ITIH6: variants seen among roughly 807,000 people sequenced by gnomAD.
The protein encoded by ITIH6 is inter-alpha-trypsin inhibitor heavy chain H6.
A neutral mutation model predicts 58.2 loss-of-function variants in ITIH6; 60 were observed. That is an observed-to-expected ratio of 1.03 (90% confidence interval 0.84 to 1.28). ITIH6 has a LOEUF of 1.28. Among genes scored for constraint, ITIH6 ranks in the 50% most tolerant of loss-of-function variants. The pLI, the probability that ITIH6 is intolerant of heterozygous loss-of-function variation, is 0.00. For synonymous variants in ITIH6, 493 were observed against 417.4 expected (o/e 1.18, Z -2.21); for missense variants, 1,290 against 1,021.1 (o/e 1.26, Z -3.59).
chrX:54,757,317 G>C lies in ITIH6; in HGVS notation c.2757C>G (p.Thr919=), dbSNP rs767051613. The change falls in exon 8 of 13, where the codon ACC becomes ACG. Residue 919 remains threonine, a synonymous_variant. Coordinates refer to ENST00000218436, the MANE Select transcript of ITIH6 (RefSeq NM_198510.3). The part of the protein sequence containing the change: ...SSSTGPSSTT[T]TSVLGEPLPM... The stretch of plus-strand genomic sequence containing the variant: ...GGAGGGGTTCTCCAAGGACAGAGGT[G>C]GTTGTGGTACTGCTGGGACCTGTGG... The C allele has an allele frequency of 8.3e-7, 1 of 1,198,818 alleles. No homozygotes were observed. The highest frequency in any genetic ancestry group is 1.1e-6 in the Non-Finnish European group (1 of 888,566).
intron 6 of ITIH6, among the ~76,000 whole-genome samples, chrX:54,765,788 A>G (rs1172823103): frequency 2.4e-4 from 26 of 109,277 alleles, no homozygotes; most frequent in Non-Finnish European, 4.9e-4. Context: ...TGTTTTGGTT[A>G]CTGTAGCCTT....
At chrX:54,766,348 A>G (rs1352226505) in intron 6 of ITIH6, among the ~76,000 whole-genome samples, 22 of 84,145 alleles carry the variant, frequency 2.6e-4, no homozygotes, top group African/African-American at 9.1e-4. Flanking sequence ...GGACAATTTG[A>G]CTTCCTCTTT....
intron 12 of ITIH6, among the ~76,000 whole-genome samples, chrX:54,750,411 T>C (rs192200742): frequency 1.1e-3 from 117 of 110,078 alleles, no homozygotes; most frequent in African/African-American, 3.7e-3. Flanking sequence ...CCAGAGGAGG[T>C]AAAAATATCT....
rs969274235 is a variant in ITIH6, at chrX:54,753,917, G to A, written c.3238+13C>T. The A allele has an allele frequency of 5.0e-6, 6 of 1,207,081 alleles. No homozygotes were observed. The South Asian group carries it at 5.3e-5, about 11-fold the overall frequency. ...GTACTCAAACAGGGGAGCCATGGGG[G>A]TGACTGGCTTACCTGAGGAGGAGAA... On this transcript the variant is annotated intron_variant, in intron 10 of 12. Coordinates refer to ENST00000218436, the MANE Select transcript of ITIH6 (RefSeq NM_198510.3).
Position 54,749,619 on chromosome X carries a change from T to C in ITIH6, c.*276A>G. The C allele has an allele frequency of 6.7e-6, 2 of 296,495 alleles. No individual in the cohort carries two copies. The highest frequency in any genetic ancestry group is 1.3e-4 in the South Asian group (1 of 7,467). The allele number at this position is 296,495 out of a possible 1,213,427, so 24.4% of individuals were successfully genotyped here. On this transcript the variant is annotated 3_prime_UTR_variant, in exon 13 of 13. Coordinates refer to ENST00000218436, the MANE Select transcript of ITIH6 (RefSeq NM_198510.3). Reference sequence around the variant, plus strand: ...AGAACTACTGATCATTTTTTCGTTTTACAAAAGTGGCTTGTAGGGCTGGTG... The same window carrying C: ...AGAACTACTGATCATTTTTTCGTTTCACAAAAGTGGCTTGTAGGGCTGGTG...
intron 2 of ITIH6, 52 bp downstream of exon 2, chrX:54,796,890 G>A: frequency 1.0e-5 from 12 of 1,146,192 alleles, no homozygotes; most frequent in South Asian, 5.6e-5. Context: ...GCACAAGAAC[G>A]AACAAATATA....
In ITIH6 at chrX:54,751,204, C is replaced by T. The variant is rs756486091; in HGVS notation, c.3529G>A (p.Asp1177Asn). 114 of 1,210,253 alleles carry T rather than the reference C, an allele frequency of 9.4e-5. No homozygotes were observed. The highest frequency in any genetic ancestry group is 1.2e-4 in the Non-Finnish European group (106 of 895,177). Residue 1177 changes from aspartate (D) to asparagine (N), a missense_variant, in exon 12 of 13, where the codon GAC (aspartate) becomes AAC (asparagine). By Grantham distance (23) the Asp-to-Asn change is conservative. Transcript: ENST00000218436. ...RGEGTLRLSWDQPALLKRPQL... is the reference protein window; with the variant it reads ...RGEGTLRLSWNQPALLKRPQL... ...GGCCTCTTCAGCAGGGCAGGTTGGT[C>T]CCAGGACAGGCGCAAGGTACCCTCG...
chrX:54,785,568 T>G (rs1316438753), intron 5 of ITIH6, among the ~76,000 whole-genome samples: 2 of 111,479 alleles, frequency 1.8e-5, no homozygotes, highest in Admixed American at 1.9e-4. Flanking sequence ...CTCTTGGGAC[T>G]GCCTTCCCGG....
intron 6 of ITIH6, among the ~76,000 whole-genome samples, chrX:54,760,820 C>T (rs1470076957): frequency 9.0e-6 from 1 of 111,721 alleles, no homozygotes; most frequent in Non-Finnish European, 1.9e-5. Context: ...GCCACATTTT[C>T]TTAATCCAGT....
chrX:54,782,755 C>T (rs1759256815), intron 5 of ITIH6, among the ~76,000 whole-genome samples: 1 of 111,679 alleles, frequency 9.0e-6, no homozygotes, highest in South Asian at 3.8e-4. Flanking sequence ...CTGAATTCTA[C>T]CAAACAGTTA....
intron 11 of ITIH6, among the ~76,000 whole-genome samples, chrX:54,753,240 T>C (rs1429759299): frequency 8.8e-6 from 1 of 113,054 alleles, no homozygotes; most frequent in African/African-American, 3.2e-5. Flanking sequence ...AAATAATGTA[T>C]AAAATACTGC....
intron 5 of ITIH6, among the ~76,000 whole-genome samples, chrX:54,780,317 C>A (rs1335364080): frequency 1.3e-4 from 15 of 112,319 alleles, no homozygotes; most frequent in Admixed American, 1.0e-3. Context: ...TACCATCAAG[C>A]ATCTTCTCTG....
chrX:54,759,047 C>A, intron 7 of ITIH6, 49 bp from the exon 8 acceptor site: 1 of 942,841 alleles, frequency 1.1e-6, no homozygotes, highest in Non-Finnish European at 1.4e-6. Flanking sequence ...CACTTCTACC[C>A]CCATTGCAGA....
At chrX:54,769,466 A>G (rs1170254344) in intron 6 of ITIH6, among the ~76,000 whole-genome samples, 1 of 106,240 alleles carries the variant, frequency 9.4e-6, no homozygotes, top group South Asian at 4.3e-4. Flanking sequence ...TGCGTTTTAG[A>G]ATTTCCAGTT....
rs183747855 is a variant in ITIH6 at position 54,785,217 on chromosome X, C to T, written c.786+3263G>A. Among the ~76,000 whole-genome samples, 128 of 55,469 alleles carry T rather than the reference C, an allele frequency of 2.3e-3. 2 individuals carry two copies. The highest frequency in any genetic ancestry group is 8.0e-3 in the African/African-American group (111 of 13,798). 48.2% of individuals were successfully genotyped at this position (55,469 alleles called of 115,157 possible). A position where few individuals can be genotyped will look rare whatever the true frequency, so the allele number is the denominator to read the frequency against. ...CCAGAGGCTGCGGGGAGTGGGGTAG[C>T]GGGGAGATGGGGGGTGGGGAAGGCA... On this transcript the variant is annotated intron_variant, in intron 5 of 12. Coordinates refer to ENST00000218436, the MANE Select transcript of ITIH6 (RefSeq NM_198510.3).
chrX:54,791,852 A>G (rs1929353700), intron 3 of ITIH6, 74 bp downstream of exon 3: 1 of 580,746 alleles, frequency 1.7e-6, no homozygotes, highest in Non-Finnish European at 3.0e-6. Flanking sequence ...ACTGAGGACC[A>G]GAGAGAACGT....
Position 54,757,406 on chromosome X carries a change from G to A in ITIH6, c.2668C>T (p.Pro890Ser). Residue 890 changes from proline (P) to serine (S), a missense_variant, in exon 8 of 13, where the codon CCT becomes TCT. Coordinates refer to ENST00000218436, the MANE Select transcript of ITIH6 (RefSeq NM_198510.3). ...GGAAGTGGGGGCCTTGGTCTGTCAG[G>A]TCTAGGAGGTAGTGGGGTTTGAGGC... ...HMPQTPLPPR[P>S]DRPRPPLPES... 2 of 1,210,952 alleles carry A rather than the reference G, an allele frequency of 1.7e-6. No homozygotes were observed. Among genetic ancestry groups the A allele is most frequent in the Non-Finnish European group, 2.2e-6 (2 of 895,038 alleles).
chrX:54,769,350 T>G (rs1468642743), intron 6 of ITIH6, among the ~76,000 whole-genome samples: 1 of 88,128 alleles, frequency 1.1e-5, no homozygotes, highest in Non-Finnish European at 2.2e-5. Flanking sequence ...CAGAGTAATT[T>G]GATCGTCTGA....
At position 54,758,629 on chromosome X, in the gene ITIH6, A is replaced by G; in HGVS notation, c.1445T>C (p.Leu482Pro). ...AGGGGAGGCCCCAACCAAGCCACCC[A>G]GGTAGTTCAGACGCACATCTGCCAG... The part of the protein sequence containing the change: ...PLLADVRLNY[L>P]GGLVGASPWA... The change falls in exon 8 of 13, where the codon CTG (leucine) becomes CCG (proline). Residue 482 changes from leucine to proline, a missense_variant. Leu to Pro is a moderately conservative substitution (Grantham distance 98, BLOSUM62 -3). Coordinates refer to ENST00000218436, the MANE Select transcript of ITIH6 (RefSeq NM_198510.3). 8.3e-7 allele frequency: 1 copy of G among 1,211,783 alleles called. No homozygotes were observed. Among genetic ancestry groups the G allele is most frequent in the South Asian group, 1.8e-5 (1 of 56,965 alleles).
Sources: gnomAD v4.1 joint callset for allele counts (sites outside exome capture counted in the v4.1 genomes callset) on GRCh38, gnomAD v4.1.1 for gene constraint, MANE v1.5 for transcripts, NCBI Gene and HGNC (gene_info 2026-07-23, HGNC 2026-07-21) for gene names.